The following CPAMD8 variants were observed in gnomAD, a reference collection of about 807,000 sequenced individuals.
The protein encoded by CPAMD8 is C3 and PZP-like alpha-2-macroglobulin domain-containing protein 8.
A neutral mutation model predicts 224.7 loss-of-function variants in CPAMD8; 146 were observed. The observed-to-expected ratio is 0.65, with a 90% CI of 0.57 to 0.75. CPAMD8 has a LOEUF of 0.75. CPAMD8 is among the 30% of genes least tolerant of loss of function. CPAMD8 has a pLI of 0.00. For synonymous variants in CPAMD8, 966 were observed against 1,044.6 expected, an observed-to-expected ratio of 0.92 and a Z score of 1.45; for missense variants, 2,301 against 2,537.5, an observed-to-expected ratio of 0.91 and a Z score of 2.00.
chr19:17,009,981 G>A (rs549383853), intron 5 of CPAMD8, among the ~76,000 whole-genome samples: 4 of 152,222 alleles, frequency 2.6e-5, no homozygotes, highest in African/African-American at 7.2e-5. Context: ...CTACCAAGGG[G>A]CGTTCTGCAA....
intron 19 of CPAMD8, 39 bp from the exon 20 acceptor site, chr19:16,952,239 C>T: frequency 8.4e-7 from 1 of 1,186,044 alleles, no homozygotes; most frequent in Non-Finnish European, 1.2e-6. Flanking sequence ...GGGCCCTTCT[C>T]CAGGGCCATG....
intron 13 of CPAMD8, among the ~76,000 whole-genome samples, chr19:16,981,038 G>A (rs966458026): frequency 2.9e-5 from 4 of 136,492 alleles, no homozygotes; most frequent in African/African-American, 1.3e-4. Flanking sequence ...TCACCATGTT[G>A]GCCAGGCTGG....
intron 23 of CPAMD8, among the ~76,000 whole-genome samples, chr19:16,932,620 AAGACAGATCTTTTAAAATAACCCAATC>A (rs1253240221): frequency 1.3e-5 from 2 of 152,164 alleles, no homozygotes; most frequent in Non-Finnish European, 2.9e-5. Flanking sequence ...TCAGAACTTG[AAGACAGATCTTTTAAAATAACCCAATC>A]AGACAAAAAT....
intron 1 of CPAMD8, among the ~76,000 whole-genome samples, chr19:17,024,870 T>C (rs1311831125): frequency 6.6e-6 from 1 of 152,180 alleles, no homozygotes; most frequent in Non-Finnish European, 1.5e-5. Context: ...GGATCAGAGA[T>C]TCCTCACACA....
rs576947769 is a variant in CPAMD8 at position 16,929,429 on chromosome 19, G to T, written c.2846-189C>A. On this transcript the variant is annotated intron_variant, in intron 23 of 41. Transcript: ENST00000443236. ...CACACAAAAGATAAAATGGGACTGG[G>T]CAGAGTAGCTGACACCTGTAATCCC... Among the ~76,000 whole-genome samples the T allele has an allele frequency of 2.6e-5, 4 of 152,332 alleles. No individual in the cohort carries two copies. The South Asian group carries it at 8.3e-4, about 32-fold the overall frequency.
intron 26 of CPAMD8, among the ~76,000 whole-genome samples, chr19:16,922,673 T>C (rs1367932175): frequency 2.7e-5 from 4 of 150,764 alleles, no homozygotes; most frequent in African/African-American, 9.8e-5. Context: ...ACATCTGAGG[T>C]CCCTGGAACT....
At chr19:17,020,060 C>T (rs4808556) in intron 3 of CPAMD8, among the ~76,000 whole-genome samples, 21,524 of 149,548 alleles carry the variant, frequency 0.14, 1,809 homozygotes, top group East Asian at 0.26. Context: ...CAGCATCCTC[C>T]GCCTCCCAGG....
At chr19:16,933,937 TTCA>T (rs1383076113) in intron 23 of CPAMD8, among the ~76,000 whole-genome samples, 1 of 152,164 alleles carries the variant, frequency 6.6e-6, no homozygotes, top group East Asian at 1.9e-4. Flanking sequence ...AGCTTGAAAG[TTCA>T]TCAACAGATG....
chr19:17,011,149 A>G (rs2056635939), intron 5 of CPAMD8, among the ~76,000 whole-genome samples: 1 of 152,114 alleles, frequency 6.6e-6, no homozygotes, highest in African/African-American at 2.4e-5. Context: ...GAGCCGAGAT[A>G]GTGCCACTGC....
At chr19:16,955,938 A>G (rs142903011) in intron 19 of CPAMD8, among the ~76,000 whole-genome samples, 1,670 of 152,236 alleles carry the variant, frequency 0.011, 25 homozygotes, top group African/African-American at 0.038. Flanking sequence ...CAGCCTCTCA[A>G]AGTGCTGGGA....
chr19:16,952,863 C>G (rs1797528195), intron 19 of CPAMD8, among the ~76,000 whole-genome samples: 1 of 152,034 alleles, frequency 6.6e-6, no homozygotes, highest in Admixed American at 6.6e-5. Context: ...TTTTATTTTG[C>G]AGAAATAGAA....
intron 2 of CPAMD8, 134 bp from the exon 3 acceptor site, chr19:17,020,487 GC>G: frequency 1.5e-6 from 1 of 687,684 alleles, no homozygotes; most frequent in East Asian, 2.6e-5. Flanking sequence ...CCTGGGTCAT[GC>G]TGGCCTGGAC....
In CPAMD8 at chr19:16,946,253, CAT is replaced by C. The variant is rs551405797; in HGVS notation, c.2663-576_2663-575del. Among the ~76,000 whole-genome samples the C allele has an allele frequency of 7.0e-4, 105 of 150,600 alleles. 4 individuals are homozygous for C. The South Asian group carries it at 0.021, about 31-fold the overall frequency. On this transcript the variant is annotated intron_variant, in intron 21 of 41. Transcript: ENST00000443236. ...GATTTGTGTGTGATGCATGTCTACA[CAT>C]GTGGGCATGTGTGTGTGTGGATTCG... is the stretch of plus-strand genomic sequence containing the variant.
At chr19:16,932,910 A>G (rs1369484209) in intron 23 of CPAMD8, among the ~76,000 whole-genome samples, 2 of 152,226 alleles carry the variant, frequency 1.3e-5, no homozygotes, top group Non-Finnish European at 2.9e-5. Context: ...AAACTGTCAA[A>G]AGACAAAAAT....
chr19:16,996,930 C>T (rs946454649), intron 11 of CPAMD8, among the ~76,000 whole-genome samples, 181 bp downstream of exon 11: 4 of 151,982 alleles, frequency 2.6e-5, no homozygotes, highest in Non-Finnish European at 5.9e-5. Flanking sequence ...GTAGATTGTC[C>T]TTTCCCGTGG....
At chr19:16,924,690 C>T (rs1005058717) in intron 26 of CPAMD8, among the ~76,000 whole-genome samples, 3 of 152,226 alleles carry the variant, frequency 2.0e-5, no homozygotes, top group Non-Finnish European at 4.4e-5. Context: ...AAGTGATCCT[C>T]CTGCCTCAGC....
In CPAMD8 at chr19:16,988,439, C is replaced by T. The variant is rs545313899; in HGVS notation, c.1395+1204G>A. On this transcript the variant is annotated intron_variant, in intron 13 of 41. Coordinates refer to ENST00000443236, the MANE Select transcript of CPAMD8 (RefSeq NM_015692.5). ...CAGCCTGGCCAACATGGTGAAACCC[C>T]GTCTCTACTAGAATACAAAGATTAG... Among the ~76,000 whole-genome samples, 40 of 152,158 alleles carry T rather than the reference C, an allele frequency of 2.6e-4. No homozygotes were observed. The South Asian group carries it at 5.4e-3, about 21-fold the overall frequency.
intron 8 of CPAMD8, 48 bp from the exon 9 acceptor site, chr19:17,002,398 G>A (rs765499665): frequency 2.1e-5 from 28 of 1,352,532 alleles, no homozygotes; most frequent in Non-Finnish European, 2.8e-5. Context: ...TCCCTAAGGT[G>A]GCCTCAGGAG....
chr19:17,002,408 G>A lies in CPAMD8; in HGVS notation c.674-58C>T, dbSNP rs1336289085. 7 of 1,199,424 alleles carry A rather than the reference G, an allele frequency of 5.8e-6. No homozygotes were observed. The African/African-American group carries it at 9.1e-5, about 16-fold the overall frequency. The allele number at this position is 1,199,424 out of a possible 1,614,324, so 74.3% of individuals were successfully genotyped here. A position where few individuals can be genotyped will look rare whatever the true frequency, so the allele number is the denominator to read the frequency against. ...TTCTGTCCCTAAGGTGGCCTCAGGAGCCCTGACACCGGTGCAAGGTGTCTG... is the reference window on the plus strand; with the variant it reads ...TTCTGTCCCTAAGGTGGCCTCAGGAACCCTGACACCGGTGCAAGGTGTCTG... On this transcript the variant is annotated intron_variant, in intron 8 of 41. Transcript: ENST00000443236.
Sources: gnomAD v4.1 joint callset for allele counts (sites outside exome capture counted in the v4.1 genomes callset) on GRCh38, gnomAD v4.1.1 for gene constraint, MANE v1.5 for transcripts, NCBI Gene and HGNC (gene_info 2026-07-23, HGNC 2026-07-21) for gene names.